ART3: variants seen among roughly 807,000 people sequenced by gnomAD.
ART3 encodes the protein ADP-ribosyltransferase 3 (inactive), also known as ecto-ADP-ribosyltransferase 3.
In ART3, 49 loss-of-function variants were observed where a neutral mutation model predicts 48.5. The ratio of observed to expected loss-of-function variants is 1.01; its 90% CI spans 0.80 to 1.28. The LOEUF (loss-of-function observed/expected upper bound fraction) is 1.28, where lower values mean the gene tolerates loss of function less well. ART3 is among the 50% of genes most tolerant of loss of function. The pLI, the probability that ART3 is intolerant of heterozygous loss-of-function variation, is 0.00. For missense variants in ART3, 438 were observed against 454.3 expected (o/e 0.96, Z 0.33); for synonymous variants, 145 against 157.2 (o/e 0.92, Z 0.58).
At chr4:76,053,028 TG>T (rs1736287065) in intron 1 of ART3, among the ~76,000 whole-genome samples, 1 of 152,204 alleles carries the variant, frequency 6.6e-6, no homozygotes, top group Non-Finnish European at 1.5e-5. Context: ...TGCACCCAGC[TG>T]GTGTGTACCA....
intron 3 of ART3, among the ~76,000 whole-genome samples, chr4:76,086,390 A>G (rs964378265): frequency 4.6e-5 from 7 of 152,188 alleles, no homozygotes; most frequent in African/African-American, 1.7e-4. Flanking sequence ...AAGCTATTGC[A>G]TGATCTCAGT....
chr4:76,056,803 T>C (rs754281242), intron 1 of ART3, among the ~76,000 whole-genome samples: 21 of 152,184 alleles, frequency 1.4e-4, no homozygotes, highest in Non-Finnish European at 2.8e-4. Flanking sequence ...ATACAGATTC[T>C]AAGTATCATG....
intron 1 of ART3, among the ~76,000 whole-genome samples, chr4:76,013,596 C>T (rs140012368): frequency 2.6e-4 from 39 of 152,240 alleles, no homozygotes; most frequent in African/African-American, 7.9e-4. Flanking sequence ...TGAGTTGTTT[C>T]CAATAATGTC....
chr4:76,103,915 C>T lies in ART3; in HGVS notation c.938-22C>T. On this transcript the variant is annotated intron_variant, in intron 8 of 11. Transcript: ENST00000355810. ...TATAAGATAACTGATTAATACAAAC[C>T]AATATTTATTTCTGCCTTTAGGTGT... The T allele has an allele frequency of 1.9e-6, 3 of 1,607,882 alleles. No individual in the cohort carries two copies. In the South Asian group the frequency reaches 3.3e-5, roughly 18 times the overall value.
chr4:76,078,182 G>C (rs1721558742), intron 2 of ART3, among the ~76,000 whole-genome samples: 1 of 151,418 alleles, frequency 6.6e-6, no homozygotes, highest in African/African-American at 2.4e-5. Flanking sequence ...GAATAGTGGT[G>C]GCATTTATGA....
intron 9 of ART3, 160 bp from the exon 10 acceptor site, chr4:76,104,437 A>C: frequency 1.0e-6 from 1 of 985,432 alleles, no homozygotes; most frequent in Non-Finnish European, 1.2e-6. Flanking sequence ...GGATTTGTAT[A>C]ATAAGGGTTT....
chr4:76,099,253 G>A, intron 5 of ART3: 1 of 425,936 alleles, frequency 2.3e-6, no homozygotes, highest in Non-Finnish European at 4.4e-6. Context: ...AGTGAGCCAA[G>A]ATTGCACCCA....
At chr4:76,051,630 C>T (rs1485852298) in intron 1 of ART3, among the ~76,000 whole-genome samples, 1 of 152,012 alleles carries the variant, frequency 6.6e-6, no homozygotes. Flanking sequence ...GTATCTGCCT[C>T]CCGGGCACAA....
At chr4:76,077,642 T>G (rs1721413132) in intron 2 of ART3, among the ~76,000 whole-genome samples, 1 of 152,208 alleles carries the variant, frequency 6.6e-6, no homozygotes, top group Non-Finnish European at 1.5e-5. Context: ...AGAATGAATT[T>G]GGGGGTTATG....
At chr4:76,111,320 C>T (rs974299011) in intron 11 of ART3, among the ~76,000 whole-genome samples, 4 of 152,118 alleles carry the variant, frequency 2.6e-5, no homozygotes, top group African/African-American at 9.7e-5. Flanking sequence ...CCGGAAGTCT[C>T]ACAAGCAGAG....
chr4:76,095,432 C>T (rs968301914), intron 3 of ART3, among the ~76,000 whole-genome samples: 2 of 152,118 alleles, frequency 1.3e-5, no homozygotes, highest in African/African-American at 4.8e-5. Context: ...TGCTTGAACC[C>T]AGGAGGCGGA....
chr4:76,060,644 A>G (rs559468707), intron 1 of ART3, among the ~76,000 whole-genome samples: 4 of 152,346 alleles, frequency 2.6e-5, no homozygotes, highest in Admixed American at 2.6e-4. Flanking sequence ...ACATATATAC[A>G]TTGGGTGGAC....
chr4:76,107,875 A>C (rs1174040578), intron 11 of ART3, 82 bp downstream of exon 11: 11 of 1,178,834 alleles, frequency 9.3e-6, no homozygotes, highest in Non-Finnish European at 1.3e-5. Flanking sequence ...TTTCCTCAAT[A>C]AAGGGAACAA....
At chr4:76,045,071 G>A (rs1022957419) in intron 1 of ART3, among the ~76,000 whole-genome samples, 6 of 152,046 alleles carry the variant, frequency 3.9e-5, no homozygotes, top group Non-Finnish European at 7.4e-5. Flanking sequence ...TGCTAACTGG[G>A]CACTGGTCCC....
intron 3 of ART3, among the ~76,000 whole-genome samples, chr4:76,092,407 T>C (rs2149618542): frequency 6.6e-6 from 1 of 152,362 alleles, no homozygotes; most frequent in East Asian, 1.9e-4. Flanking sequence ...TATAGAATTC[T>C]AGATTGATCT....
intron 1 of ART3, among the ~76,000 whole-genome samples, chr4:76,055,800 T>C (rs1416317328): frequency 6.6e-6 from 1 of 152,312 alleles, no homozygotes; most frequent in South Asian, 2.1e-4. Context: ...AAAACTTGCA[T>C]TTTGTTGGTA....
chr4:76,070,880 G>A (rs989506863), upstream of ART3, among the ~76,000 whole-genome samples: 19 of 151,966 alleles, frequency 1.3e-4, no homozygotes, highest in African/African-American at 4.6e-4. Context: ...GTTCATATTA[G>A]ATGAACCTCT....
intron 2 of ART3, among the ~76,000 whole-genome samples, chr4:76,078,995 G>A (rs1372703896): frequency 6.6e-6 from 1 of 152,094 alleles, no homozygotes; most frequent in African/African-American, 2.4e-5. Flanking sequence ...GCGGGAGAAT[G>A]GCGTGAACCC....
At chr4:76,034,252 G>GT (rs1312447511) in intron 1 of ART3, 1 of 394,124 alleles carries the variant, frequency 2.5e-6, no homozygotes, top group Non-Finnish European at 4.5e-6. Flanking sequence ...TTTGAGGAAT[G>GT]TTTTACGACA....
Sources: allele counts gnomAD v4.1 joint callset (sites outside exome capture counted in the v4.1 genomes callset), GRCh38; gene constraint gnomAD v4.1.1; transcripts MANE v1.5; gene names NCBI Gene and HGNC (gene_info 2026-07-23, HGNC 2026-07-21).